The following IMPG1 variants were observed in gnomAD, a reference collection of about 807,000 sequenced individuals.
The protein encoded by IMPG1 is interphotoreceptor matrix proteoglycan 1, also known as interphotoreceptor matrix proteoglycan of 150 kDa.
IMPG1 carries 85 observed loss-of-function variants against 92.0 expected under a neutral mutation model. The observed-to-expected ratio is 0.92, with a 90% CI of 0.78 to 1.11. The LOEUF is 1.11. Among genes scored for constraint, IMPG1 ranks in the 50% least tolerant of loss-of-function variants. IMPG1 has a pLI of 0.00. For missense variants in IMPG1, 1,022 were observed against 956.0 expected, an observed-to-expected ratio of 1.07 and a Z score of -0.91; for synonymous variants, 367 against 334.1, an observed-to-expected ratio of 1.10 and a Z score of -1.08.
At chr6:76,052,043 CAT>C (rs3839391) in intron 1 of IMPG1, among the ~76,000 whole-genome samples, 7 of 151,530 alleles carry the variant, frequency 4.6e-5, no homozygotes, top group East Asian at 1.9e-4. Flanking sequence ...GAGTTACAAA[CAT>C]AGGCACTTCT....
chr6:75,932,016 G>A (rs1490087419), intron 14 of IMPG1, among the ~76,000 whole-genome samples: 2 of 152,160 alleles, frequency 1.3e-5, no homozygotes, highest in East Asian at 3.9e-4. Context: ...GACCACTGTT[G>A]TTTCTGCCCC....
At chr6:75,991,672 T>C (rs1198214679) in intron 12 of IMPG1, among the ~76,000 whole-genome samples, 1 of 151,288 alleles carries the variant, frequency 6.6e-6, no homozygotes, top group Non-Finnish European at 1.5e-5. Context: ...CTGTCCTCTC[T>C]TCTTCTGCTA....
chr6:75,971,477 A>AAT (rs1782415046), intron 12 of IMPG1, among the ~76,000 whole-genome samples: 5 of 152,078 alleles, frequency 3.3e-5, no homozygotes, highest in Non-Finnish European at 1.5e-5. Flanking sequence ...ATAATAATAA[A>AAT]AAAAAATCAT....
intron 12 of IMPG1, among the ~76,000 whole-genome samples, chr6:75,993,276 A>G (rs1782843845): frequency 6.6e-6 from 1 of 152,234 alleles, no homozygotes; most frequent in Non-Finnish European, 1.5e-5. Context: ...AATTGGGATT[A>G]CATCTTTGAC....
rs377282308 is a variant in IMPG1 at position 76,067,518 on chromosome 6, T to C, written c.67+4904A>G. ...ATAGAAATCCTGAATAGAACAATAA[T>C]GAATAGTGAGGTTGAATCAGTAATA... is the stretch of plus-strand genomic sequence containing the variant. On this transcript the variant is annotated intron_variant, in intron 1 of 16. Coordinates refer to ENST00000369950, the MANE Select transcript of IMPG1 (RefSeq NM_001563.4). Among the ~76,000 whole-genome samples the C allele has an allele frequency of 7.2e-5, 11 of 151,924 alleles. No individual in the cohort carries two copies. The East Asian group carries it at 2.1e-3, about 30-fold the overall frequency.
At chr6:75,970,214 A>G (rs1782382323) in intron 12 of IMPG1, among the ~76,000 whole-genome samples, 2 of 152,182 alleles carry the variant, frequency 1.3e-5, no homozygotes, top group African/African-American at 4.8e-5. Flanking sequence ...TCCTTGAAGT[A>G]TTTTTAAATT....
chr6:76,007,451 T>C, intron 9 of IMPG1, 29 bp downstream of exon 9: 2 of 1,544,298 alleles, frequency 1.3e-6, no homozygotes, highest in South Asian at 1.1e-5. Flanking sequence ...GGGAATGTAC[T>C]ATATTTCAAA....
At chr6:76,025,509 T>C (rs1783509788) in intron 4 of IMPG1, among the ~76,000 whole-genome samples, 1 of 152,178 alleles carries the variant, frequency 6.6e-6, no homozygotes, top group African/African-American at 2.4e-5. Context: ...CTTTTTTTTG[T>C]GGTCCTGGGG....
At chr6:76,029,615 G>C (rs563957646) in intron 4 of IMPG1, among the ~76,000 whole-genome samples, 2 of 152,164 alleles carry the variant, frequency 1.3e-5, no homozygotes, top group Non-Finnish European at 2.9e-5. Flanking sequence ...GAAAGAACAA[G>C]AGGGATGGGT....
At chr6:75,988,445 G>A (rs748356192) in intron 12 of IMPG1, among the ~76,000 whole-genome samples, 7 of 152,036 alleles carry the variant, frequency 4.6e-5, no homozygotes, top group East Asian at 3.9e-4. Flanking sequence ...TGTTCATATC[G>A]TTTGCCTACT....
At chr6:76,044,799 G>A (rs1031993719) in intron 1 of IMPG1, among the ~76,000 whole-genome samples, 3 of 152,188 alleles carry the variant, frequency 2.0e-5, no homozygotes, top group Non-Finnish European at 4.4e-5. Flanking sequence ...GAACAATGAT[G>A]CTGTCCTGGA....
chr6:76,024,433 C>A (rs1397347511), intron 5 of IMPG1, among the ~76,000 whole-genome samples: 11 of 151,996 alleles, frequency 7.2e-5, no homozygotes, highest in Non-Finnish European at 1.0e-4. Context: ...TAGAAATATA[C>A]ATGAAAGAGA....
At chr6:75,978,838 T>C (rs888109373) in intron 12 of IMPG1, among the ~76,000 whole-genome samples, 1 of 152,226 alleles carries the variant, frequency 6.6e-6, no homozygotes, top group Non-Finnish European at 1.5e-5. Flanking sequence ...TATACCTAAA[T>C]GTCACAGCCA....
At chr6:76,053,598 C>T (rs1259292455) in intron 1 of IMPG1, among the ~76,000 whole-genome samples, 3 of 152,130 alleles carry the variant, frequency 2.0e-5, no homozygotes, top group African/African-American at 4.8e-5. Context: ...TCCAGCTGTA[C>T]TGAGGTGCTG....
intron 1 of IMPG1, among the ~76,000 whole-genome samples, chr6:76,066,269 T>C (rs910904350): frequency 2.5e-4 from 38 of 152,084 alleles, no homozygotes; most frequent in Admixed American, 2.0e-4. Flanking sequence ...CTTAAAACTA[T>C]AAAAATTGGT....
chr6:76,029,458 C>G (rs1169642377), intron 4 of IMPG1, among the ~76,000 whole-genome samples: 1 of 152,198 alleles, frequency 6.6e-6, no homozygotes, highest in African/African-American at 2.4e-5. Flanking sequence ...AAAATGAGGA[C>G]TGGAGAGAGG....
At chr6:76,013,852 C>A (rs1267495593) in intron 7 of IMPG1, among the ~76,000 whole-genome samples, 2 of 152,208 alleles carry the variant, frequency 1.3e-5, no homozygotes, top group Non-Finnish European at 2.9e-5. Flanking sequence ...CACAGATAAT[C>A]CCCAAATCAC....
intron 12 of IMPG1, among the ~76,000 whole-genome samples, chr6:75,973,572 T>A (rs930653198): frequency 6.6e-6 from 1 of 152,202 alleles, no homozygotes; most frequent in African/African-American, 2.4e-5. Context: ...GAATAAGTAC[T>A]ATTATCATTT....
At chr6:75,980,331 A>G (rs1242470225) in intron 12 of IMPG1, among the ~76,000 whole-genome samples, 9 of 152,244 alleles carry the variant, frequency 5.9e-5, no homozygotes, top group Admixed American at 5.9e-4. Context: ...GCGTGTGCAA[A>G]CACATGGAAG....
Sources: gnomAD v4.1 joint callset for allele counts (sites outside exome capture counted in the v4.1 genomes callset) on GRCh38, gnomAD v4.1.1 for gene constraint, MANE v1.5 for transcripts, NCBI Gene and HGNC (gene_info 2026-07-23, HGNC 2026-07-21) for gene names.